Variants in FHIT observed in about 807,000 individuals in gnomAD.
The protein encoded by FHIT is bis(5'-adenosyl)-triphosphatase.
A neutral mutation model predicts 17.9 loss-of-function variants in FHIT; 19 were observed. The ratio of observed to expected loss-of-function variants is 1.06; its 90% CI spans 0.74 to 1.56. FHIT has a LOEUF of 1.56. Among genes scored for constraint, FHIT ranks in the 40% most tolerant of loss-of-function variants. The pLI, the probability that FHIT is intolerant of heterozygous loss-of-function variation, is 0.00. For missense variants in FHIT, 248 were observed against 189.2 expected (o/e 1.31, Z -1.82); for synonymous variants, 81 against 69.7 (o/e 1.16, Z -0.81).
intron 4 of FHIT, among the ~76,000 whole-genome samples, chr3:60,599,283 C>T (rs2038366797): frequency 6.6e-6 from 1 of 152,134 alleles, no homozygotes; most frequent in South Asian, 2.1e-4. Flanking sequence ...GCTGTTGAAA[C>T]TGCAGTCTAG....
chr3:60,928,856 C>A (rs1707797157), intron 3 of FHIT, among the ~76,000 whole-genome samples: 1 of 152,216 alleles, frequency 6.6e-6, no homozygotes, highest in African/African-American at 2.4e-5. Context: ...TCCTCCCTAA[C>A]TCATTTTATG....
At chr3:60,268,294 A>T (rs1165392212) in intron 5 of FHIT, among the ~76,000 whole-genome samples, 1 of 152,194 alleles carries the variant, frequency 6.6e-6, no homozygotes, top group Admixed American at 6.5e-5. Context: ...GATAATTTGC[A>T]ATTTTCACTT....
In FHIT at chr3:60,941,963, C is replaced by T. The variant is rs140922124; in HGVS notation, c.-111+100084G>A. Among the ~76,000 whole-genome samples, 537 of 152,262 alleles carry T rather than the reference C, an allele frequency of 3.5e-3. 2 individuals are homozygous for T. Among genetic ancestry groups the T allele is most frequent in the Non-Finnish European group, 6.6e-3 (449 of 68,012 alleles). ...ACACTCTCACTTTTCCTATACTGCA[C>T]TTACCAAAATTGTAAATAGTTTCTG... On this transcript the variant is annotated intron_variant, in intron 3 of 9. Coordinates refer to ENST00000492590, the MANE Select transcript of FHIT (RefSeq NM_002012.4).
At chr3:60,128,042 T>C (rs940489884) in intron 5 of FHIT, among the ~76,000 whole-genome samples, 6 of 152,214 alleles carry the variant, frequency 3.9e-5, no homozygotes, top group African/African-American at 1.4e-4. Flanking sequence ...TGCATGGATA[T>C]GAAGTATATA....
intron 5 of FHIT, among the ~76,000 whole-genome samples, chr3:60,316,578 T>C (rs922905812): frequency 6.6e-6 from 1 of 152,208 alleles, no homozygotes; most frequent in Non-Finnish European, 1.5e-5. Context: ...GCCAGTTTCC[T>C]TGTCATTGAG....
chr3:60,207,170 G>A (rs1040555508), intron 5 of FHIT, among the ~76,000 whole-genome samples: 10 of 97,858 alleles, frequency 1.0e-4, no homozygotes, highest in South Asian at 3.1e-4. Flanking sequence ...GTCAGTGTGC[G>A]TGTGTGTGTG....
At chr3:60,202,012 C>T (rs1425844973) in intron 5 of FHIT, among the ~76,000 whole-genome samples, 2 of 152,124 alleles carry the variant, frequency 1.3e-5, no homozygotes, top group Non-Finnish European at 2.9e-5. Flanking sequence ...TTAGGATACT[C>T]CAGGAACAAA....
intron 5 of FHIT, among the ~76,000 whole-genome samples, chr3:60,108,206 G>C (rs1427955560): frequency 2.6e-5 from 4 of 152,166 alleles, no homozygotes; most frequent in Non-Finnish European, 5.9e-5. Flanking sequence ...TCCATCATAA[G>C]GCATTATGTT....
chr3:60,739,860 C>G (rs2042208034), intron 4 of FHIT, among the ~76,000 whole-genome samples: 1 of 152,102 alleles, frequency 6.6e-6, no homozygotes, highest in African/African-American at 2.4e-5. Context: ...TTCATCAAGA[C>G]AAAAATTTTA....
intron 5 of FHIT, among the ~76,000 whole-genome samples, chr3:60,337,356 T>C (rs1419113182): frequency 1.3e-5 from 2 of 152,180 alleles, no homozygotes; most frequent in African/African-American, 4.8e-5. Context: ...TTCGTGGCTT[T>C]ACTACTTTCT....
intron 5 of FHIT, among the ~76,000 whole-genome samples, chr3:60,249,653 T>TG (rs1705585724): frequency 2.1e-5 from 3 of 141,662 alleles, no homozygotes; most frequent in African/African-American, 8.2e-5. Context: ...GAGAGTCTCC[T>TG]GGAGACTGGG....
intron 5 of FHIT, among the ~76,000 whole-genome samples, chr3:60,130,463 A>T (rs1307167606): frequency 6.6e-6 from 1 of 152,140 alleles, no homozygotes; most frequent in East Asian, 1.9e-4. Context: ...TGAGAGGTAA[A>T]GTCATTTCAC....
intron 2 of FHIT, among the ~76,000 whole-genome samples, chr3:61,144,762 G>A (rs750348428): frequency 8.5e-5 from 13 of 152,078 alleles, no homozygotes; most frequent in Non-Finnish European, 1.9e-4. Context: ...ATCTCACTGT[G>A]GTTTTGGTTT....
At chr3:60,016,811 T>G (rs920222463) in intron 5 of FHIT, among the ~76,000 whole-genome samples, 11 of 152,184 alleles carry the variant, frequency 7.2e-5, no homozygotes, top group African/African-American at 1.9e-4. Context: ...TCCAGAAACT[T>G]AAGGTTAGCT....
At chr3:60,120,634 C>G (rs144065051) in intron 5 of FHIT, among the ~76,000 whole-genome samples, 195 of 152,120 alleles carry the variant, frequency 1.3e-3, no homozygotes, top group African/African-American at 4.3e-3. Flanking sequence ...ACATTCTAAA[C>G]AGCATTTTTT....
intron 4 of FHIT, among the ~76,000 whole-genome samples, chr3:60,694,276 C>T (rs1308290303): frequency 4.7e-5 from 7 of 150,158 alleles, no homozygotes; most frequent in Admixed American, 4.6e-4. Context: ...CATTACTAGC[C>T]AATGTGAAGC....
At chr3:60,141,433 G>A (rs919741879) in intron 5 of FHIT, among the ~76,000 whole-genome samples, 1 of 146,360 alleles carries the variant, frequency 6.8e-6, no homozygotes, top group Non-Finnish European at 1.5e-5. Context: ...TGAGCCAAAT[G>A]AGATATTGAA....
At chr3:60,899,294 T>G (rs1370590129) in intron 3 of FHIT, among the ~76,000 whole-genome samples, 1 of 152,232 alleles carries the variant, frequency 6.6e-6, no homozygotes, top group African/African-American at 2.4e-5. Flanking sequence ...TGATCACATT[T>G]GCATATCTTT....
chr3:60,450,095 G>A (rs1195872303), intron 5 of FHIT, among the ~76,000 whole-genome samples: 1 of 151,298 alleles, frequency 6.6e-6, no homozygotes, highest in Non-Finnish European at 1.5e-5. Flanking sequence ...TACGGGACTA[G>A]AAATTGTTCT....
Sources: gnomAD v4.1 joint callset for allele counts (sites outside exome capture counted in the v4.1 genomes callset) on GRCh38, gnomAD v4.1.1 for gene constraint, MANE v1.5 for transcripts, NCBI Gene and HGNC (gene_info 2026-07-23, HGNC 2026-07-21) for gene names.